Variants in PTPRN2 observed in about 807,000 individuals in gnomAD.
PTPRN2 encodes the protein receptor-type tyrosine-protein phosphatase N2.
Under a neutral mutation model 118.8 loss-of-function variants are expected in PTPRN2, and 74 were observed. The ratio of observed to expected loss-of-function variants is 0.62; its 90% CI spans 0.52 to 0.76. The LOEUF is 0.76. Among genes scored for constraint, PTPRN2 ranks in the 30% least tolerant of loss-of-function variants. PTPRN2 has a pLI of 0.00. For missense variants in PTPRN2, 1,481 were observed against 1,394.4 expected (o/e 1.06, Z -0.99); for synonymous variants, 641 against 608.0 (o/e 1.05, Z -0.80).
rs375384107 is a variant in PTPRN2 at position 158,522,105 on chromosome 7, C to T, written c.113-32320G>A. ...GGTGCTGGCTCAGGAGGGAGGTCCA[C>T]GTCACAATGGTGGACTGTCCAGGTG... On this transcript the variant is annotated intron_variant, in intron 1 of 22. Transcript: ENST00000389418. Among the ~76,000 whole-genome samples, 200 of 61,772 alleles carry T rather than the reference C, an allele frequency of 3.2e-3. 1 individual carries two copies. The highest frequency in any genetic ancestry group is 0.014 in the African/African-American group (182 of 13,364). The allele number at this position is 61,772 out of a possible 152,430, so 40.5% of individuals were successfully genotyped here. A position where few individuals can be genotyped will look rare whatever the true frequency, so the allele number is the denominator to read the frequency against.
chr7:158,133,906 C>T lies in PTPRN2; in HGVS notation c.1327G>A (p.Gly443Arg), dbSNP rs369401821. The T allele has an allele frequency of 1.3e-5, 21 of 1,613,808 alleles. No individual in the cohort carries two copies. The highest frequency in any genetic ancestry group is 8.0e-5 in the African/African-American group (6 of 74,936). The change falls in exon 9 of 23, where the codon GGA becomes AGA. Residue 443 changes from glycine to arginine, a missense_variant. Transcript: ENST00000389418. ...GTCTGGCTCTTGACGTTCTCCACTC[C>T]GGCAGTCTCCTCTTCTGAAGACAGG... ...SSLSSEEETAGVENVKSQTYS... is the reference protein window; with the variant it reads ...SSLSSEEETARVENVKSQTYS...
intron 4 of PTPRN2, among the ~76,000 whole-genome samples, chr7:158,201,244 C>T (rs1157242860): frequency 6.6e-6 from 1 of 152,110 alleles, no homozygotes; most frequent in East Asian, 1.9e-4. Context: ...TATAACTACA[C>T]AAGTGCTGAG....
chr7:158,473,370 C>A (rs1820010472), intron 2 of PTPRN2, among the ~76,000 whole-genome samples: 1 of 152,232 alleles, frequency 6.6e-6, no homozygotes, highest in African/African-American at 2.4e-5. Context: ...TCTGAATAAA[C>A]CCCTCTGACG....
chr7:158,040,353 A>G (rs73171529), intron 11 of PTPRN2, among the ~76,000 whole-genome samples: 1 of 151,982 alleles, frequency 6.6e-6, no homozygotes, highest in African/African-American at 2.4e-5. Flanking sequence ...ACACACATGC[A>G]TATACACATG....
chr7:158,392,312 C>T (rs1260263085), intron 2 of PTPRN2, among the ~76,000 whole-genome samples: 1 of 152,198 alleles, frequency 6.6e-6, no homozygotes, highest in Admixed American at 6.5e-5. Context: ...GCCTCCTGGG[C>T]ACTGTGGATG....
At chr7:158,505,262 T>C (rs1466363774) in intron 1 of PTPRN2, among the ~76,000 whole-genome samples, 1 of 152,162 alleles carries the variant, frequency 6.6e-6, no homozygotes, top group Non-Finnish European at 1.5e-5. Context: ...TCTGGCAAAA[T>C]GAAGCCTCCA....
rs1347346620 is a variant in PTPRN2 at position 157,617,919 on chromosome 7, A to G, written c.2344+3443T>C. 2.6e-5 allele frequency: 4 copies of G among 152,258 alleles called. No individual in the cohort carries two copies. Among genetic ancestry groups the G allele is most frequent in the Non-Finnish European group, 5.9e-5 (4 of 68,048 alleles). 9.4% of individuals were successfully genotyped at this position (152,258 alleles called of 1,614,324 possible). Reference sequence around the variant, plus strand: ...CCAAAAATACTTTTTTGTTTAGGATATGGCACCAAAATAGTATCATATCCC... The same window carrying G: ...CCAAAAATACTTTTTTGTTTAGGATGTGGCACCAAAATAGTATCATATCCC... On this transcript the variant is annotated intron_variant, in intron 15 of 22. Transcript: ENST00000389418. The surrounding 1 kb of genome is among the most constrained non-coding windows in gnomAD (Gnocchi z 7.5).
chr7:158,439,791 G>A (rs1816852072), intron 2 of PTPRN2, among the ~76,000 whole-genome samples: 1 of 152,226 alleles, frequency 6.6e-6, no homozygotes, highest in Non-Finnish European at 1.5e-5. Flanking sequence ...AGTCTGTGGA[G>A]CTCCAGGCTT....
Position 158,584,761 on chromosome 7 carries a change from C to T in PTPRN2, c.112+2797G>A, listed in dbSNP as rs140488109. 3.5e-3 allele frequency among the ~76,000 whole-genome samples: 530 copies of T among 152,244 alleles called. 1 individual carries two copies. Among genetic ancestry groups the T allele is most frequent in the Non-Finnish European group, 6.0e-3 (408 of 68,018 alleles). On this transcript the variant is annotated intron_variant, in intron 1 of 22. Transcript: ENST00000389418. ...CATCGTGGAGTGCGGCTCAAGGCCACGAGAATAAACTCAGAGACAGCAGTT... is the reference window on the plus strand; with the variant it reads ...CATCGTGGAGTGCGGCTCAAGGCCATGAGAATAAACTCAGAGACAGCAGTT...
At position 158,040,978 on chromosome 7, in the gene PTPRN2, G is replaced by A. The variant is rs192275605; in HGVS notation, c.1723+40320C>T. 1.9e-3 allele frequency among the ~76,000 whole-genome samples: 291 copies of A among 152,274 alleles called. 2 individuals are homozygous for A. The South Asian group carries it at 0.025, about 13-fold the overall frequency. ...GAACTCCTGACCTCGTGATCTGCCCGCCTCGGCCTCCCAAAGTGCTGGGAT... is the reference window on the plus strand; with the variant it reads ...GAACTCCTGACCTCGTGATCTGCCCACCTCGGCCTCCCAAAGTGCTGGGAT... On this transcript the variant is annotated intron_variant, in intron 11 of 22. Transcript: ENST00000389418.
rs562816127 is a variant in PTPRN2, at chr7:157,571,115, C to T, written c.2837+325G>A. ...AAAAAAAATTAGCCGGGCGTGGTGG[C>T]GGGCGCAATCGCTTGATCCCGGGAG... On this transcript the variant is annotated intron_variant, in intron 20 of 22. Coordinates refer to ENST00000389418, the MANE Select transcript of PTPRN2 (RefSeq NM_002847.5). Among the ~76,000 whole-genome samples the T allele has an allele frequency of 5.6e-3, 825 of 146,130 alleles. 3 individuals are homozygous for T. Among genetic ancestry groups the T allele is most frequent in the Admixed American group, 8.9e-3 (128 of 14,326 alleles).
intron 3 of PTPRN2, among the ~76,000 whole-genome samples, chr7:158,265,918 G>A (rs1053071076): frequency 3.3e-5 from 5 of 152,172 alleles, no homozygotes; most frequent in African/African-American, 9.7e-5. Flanking sequence ...CCATCTGTTT[G>A]CCCAGCTTCT....
intron 3 of PTPRN2, among the ~76,000 whole-genome samples, chr7:158,285,086 C>A (rs1439649646): frequency 6.6e-6 from 1 of 152,204 alleles, no homozygotes; most frequent in African/African-American, 2.4e-5. Context: ...TTGTTTTTCT[C>A]CCTGCATCTG....
At chr7:158,477,988 G>A (rs1480017088) in intron 2 of PTPRN2, among the ~76,000 whole-genome samples, 1 of 152,242 alleles carries the variant, frequency 6.6e-6, no homozygotes, top group African/African-American at 2.4e-5. Context: ...AGACAGAGAA[G>A]GGGAGAGAGC....
chr7:158,118,435 T>G (rs1277585297), intron 9 of PTPRN2, among the ~76,000 whole-genome samples: 1 of 152,184 alleles, frequency 6.6e-6, no homozygotes, highest in Admixed American at 6.5e-5. Flanking sequence ...AGGCATTTAA[T>G]TTTTAAAAAT....
At chr7:157,602,877 G>T (rs1420111980) in intron 16 of PTPRN2, among the ~76,000 whole-genome samples, 1 of 152,240 alleles carries the variant, frequency 6.6e-6, no homozygotes. Context: ...GGTGCGATTT[G>T]TGCCTCGATC....
At chr7:157,735,752 C>G (rs146639864) in intron 12 of PTPRN2, among the ~76,000 whole-genome samples, 1 of 152,134 alleles carries the variant, frequency 6.6e-6, no homozygotes, top group Non-Finnish European at 1.5e-5. Flanking sequence ...TTGTGGGAGA[C>G]GCTCCGCAAA....
At chr7:157,926,517 T>C (rs1456493984) in intron 11 of PTPRN2, among the ~76,000 whole-genome samples, 1 of 152,256 alleles carries the variant, frequency 6.6e-6, no homozygotes, top group African/African-American at 2.4e-5. Context: ...GAAGGGATTC[T>C]GGAGATCATC....
At chr7:158,319,494 T>TCCCTCACACACA (rs1563131507) in intron 2 of PTPRN2, among the ~76,000 whole-genome samples, 1 of 35,234 alleles carries the variant, frequency 2.8e-5, no homozygotes, top group Non-Finnish European at 5.0e-5. Context: ...TCCCTCACAC[T>TCCCTCACACACA]CACACAGCCT....
Sources: gnomAD v4.1 joint callset for allele counts (sites outside exome capture counted in the v4.1 genomes callset) on GRCh38, gnomAD v4.1.1 for gene constraint, Gnocchi (gnomAD v3.1) non-coding constraint, MANE v1.5 for transcripts, NCBI Gene and HGNC (gene_info 2026-07-23, HGNC 2026-07-21) for gene names.